The following NAV2 variants were observed in gnomAD, a reference collection of about 807,000 sequenced individuals.
The protein encoded by NAV2 is helicase, APC down-regulated 1.
NAV2 carries 54 observed loss-of-function variants against 223.2 expected under a neutral mutation model. That is an observed-to-expected ratio of 0.24 (90% CI 0.19 to 0.30). The LOEUF is 0.30. Among genes scored for constraint, NAV2 ranks in the 10% least tolerant of loss-of-function variants. The probability of loss-of-function intolerance (pLI) is 1.00; values close to 1 mark genes in which losing one functional copy is unlikely to be tolerated. For synonymous variants in NAV2, 1,279 were observed against 1,239.3 expected (o/e 1.03, Z -0.67); for missense variants, 2,806 against 3,147.5 (o/e 0.89, Z 2.60).
chr11:19,836,555 C>G (rs906843658), intron 2 of NAV2, among the ~76,000 whole-genome samples: 8 of 130,756 alleles, frequency 6.1e-5, no homozygotes, highest in African/African-American at 2.6e-4. Flanking sequence ...CAGAGCGAGA[C>G]TCTGTCTCAA....
chr11:19,608,314 G>A (rs1364377239), intron 1 of NAV2, among the ~76,000 whole-genome samples: 2 of 152,224 alleles, frequency 1.3e-5, no homozygotes, highest in Non-Finnish European at 2.9e-5. Flanking sequence ...CTGCCATCAT[G>A]TCCTCTCTTA....
rs952566172 is a variant in NAV2, at chr11:19,941,295, G to A, written c.2146+1522G>A. Among the ~76,000 whole-genome samples the A allele has an allele frequency of 6.6e-5, 10 of 152,086 alleles. No individual in the cohort carries two copies. The East Asian group carries it at 9.7e-4, about 15-fold the overall frequency. On this transcript the variant is annotated intron_variant, in intron 8 of 37. Transcript: ENST00000349880. ...TCGGCTGCGGGGAAGAGACTGTGCAGCCAGTAGTGCTTGACTGTGCACTCT... is the reference window on the plus strand; with the variant it reads ...TCGGCTGCGGGGAAGAGACTGTGCAACCAGTAGTGCTTGACTGTGCACTCT...
intron 1 of NAV2, among the ~76,000 whole-genome samples, chr11:19,630,915 C>A (rs2047322550): frequency 1.1e-5 from 1 of 89,026 alleles, no homozygotes; most frequent in Non-Finnish European, 2.0e-5. Context: ...AACAAAGGGT[C>A]CTGTTGCAAA....
intron 1 of NAV2, among the ~76,000 whole-genome samples, chr11:19,547,908 G>A (rs749432038): frequency 2.0e-5 from 3 of 152,156 alleles, no homozygotes; most frequent in Non-Finnish European, 4.4e-5. Flanking sequence ...GATAGTAAAT[G>A]TTTCAATGTC....
intron 1 of NAV2, among the ~76,000 whole-genome samples, chr11:19,561,367 G>C (rs1212267768): frequency 6.6e-6 from 1 of 152,128 alleles, no homozygotes; most frequent in Non-Finnish European, 1.5e-5. Flanking sequence ...GGGCCCACCT[G>C]TTATTTTGGG....
chr11:19,891,124 GTGAT>G (rs2041466034), intron 5 of NAV2, among the ~76,000 whole-genome samples: 1 of 152,134 alleles, frequency 6.6e-6, no homozygotes. Context: ...AAAGTTTAAA[GTGAT>G]TGCCTGCTTA....
At chr11:19,655,057 C>T (rs960377016) in intron 1 of NAV2, among the ~76,000 whole-genome samples, 5 of 152,180 alleles carry the variant, frequency 3.3e-5, no homozygotes, top group African/African-American at 1.2e-4. Flanking sequence ...AAAAAACAAA[C>T]AACCCCATCA....
At chr11:19,944,470 CTCT>C (rs1294198323) in intron 8 of NAV2, among the ~76,000 whole-genome samples, 2 of 148,490 alleles carry the variant, frequency 1.3e-5, no homozygotes, top group South Asian at 2.2e-4. Context: ...TCTTTCTTTT[CTCT>C]TCTTCTCCTT....
chr11:19,915,509 A>G (rs1350380806), intron 6 of NAV2, among the ~76,000 whole-genome samples: 1 of 152,210 alleles, frequency 6.6e-6, no homozygotes, highest in Non-Finnish European at 1.5e-5. Flanking sequence ...GTTTTCATGC[A>G]AAGGCCATAC....
At chr11:19,389,770 T>C (rs1353218469) in intron 1 of NAV2, among the ~76,000 whole-genome samples, 6 of 152,248 alleles carry the variant, frequency 3.9e-5, no homozygotes, top group Non-Finnish European at 7.3e-5. Context: ...AGACATCTCA[T>C]GTGTGTTCCT....
intron 1 of NAV2, among the ~76,000 whole-genome samples, chr11:19,396,853 T>C (rs908927273): frequency 1.3e-5 from 2 of 152,216 alleles, no homozygotes; most frequent in Non-Finnish European, 2.9e-5. Context: ...AATCCAAAAA[T>C]ACATGCTACC....
chr11:19,905,405 A>C (rs2042787067), intron 6 of NAV2, among the ~76,000 whole-genome samples: 1 of 152,218 alleles, frequency 6.6e-6, no homozygotes, highest in South Asian at 2.1e-4. Flanking sequence ...AGGAATGTTC[A>C]TGCAAATTAT....
chr11:19,525,295 C>T (rs2702628), intron 1 of NAV2, among the ~76,000 whole-genome samples: 65,572 of 151,988 alleles, frequency 0.43, 14,764 homozygotes, highest in African/African-American at 0.56. Flanking sequence ...TCCAGTGGCC[C>T]CTTTCCTACA....
chr11:19,480,268 G>A (rs1394656729), intron 1 of NAV2, among the ~76,000 whole-genome samples: 2 of 152,104 alleles, frequency 1.3e-5, no homozygotes, highest in Non-Finnish European at 2.9e-5. Context: ...ACTTTACCAG[G>A]CACCCCTTTT....
chr11:19,437,139 T>C (rs1851244591), intron 1 of NAV2, among the ~76,000 whole-genome samples: 1 of 152,194 alleles, frequency 6.6e-6, no homozygotes, highest in South Asian at 2.1e-4. Flanking sequence ...CTAGATAATG[T>C]GATCTATCAC....
At chr11:19,466,581 G>A (rs999473854) in intron 1 of NAV2, among the ~76,000 whole-genome samples, 4 of 152,198 alleles carry the variant, frequency 2.6e-5, no homozygotes, top group African/African-American at 7.2e-5. Flanking sequence ...CACTGAGACC[G>A]CTCTTCGACT....
At chr11:19,653,175 C>T (rs1041050572) in intron 1 of NAV2, among the ~76,000 whole-genome samples, 2 of 152,250 alleles carry the variant, frequency 1.3e-5, no homozygotes, top group South Asian at 2.1e-4. Context: ...AGAGGAGCTT[C>T]GTTCTATCTC....
At chr11:19,491,369 C>T (rs2042621767) in intron 1 of NAV2, among the ~76,000 whole-genome samples, 1 of 152,200 alleles carries the variant, frequency 6.6e-6, no homozygotes, top group Non-Finnish European at 1.5e-5. Flanking sequence ...TTAGTGTACC[C>T]ACCTTCATCA....
rs1028278037 is a variant in NAV2, at chr11:19,751,053, A to G, written c.267+37091A>G. On this transcript the variant is annotated intron_variant, in intron 1 of 37. Transcript: ENST00000349880. ...TCCCAATTTCACATTCAGTGACATC[A>G]TGTTGCTAGCTAAAAATAGACTATA... is the stretch of plus-strand genomic sequence containing the variant. Among the ~76,000 whole-genome samples the G allele has an allele frequency of 2.0e-5, 3 of 152,212 alleles. No individual in the cohort carries two copies. In the East Asian group the frequency reaches 5.8e-4, roughly 29 times the overall value.
Sources: allele counts gnomAD v4.1 joint callset (sites outside exome capture counted in the v4.1 genomes callset), GRCh38; gene constraint gnomAD v4.1.1; transcripts MANE v1.5; gene names NCBI Gene and HGNC (gene_info 2026-07-23, HGNC 2026-07-21).